APC2: variants seen among roughly 807,000 people sequenced by gnomAD.
APC2 encodes the protein adenomatous polyposis coli protein 2.
APC2 carries 41 observed loss-of-function variants against 72.5 expected under a neutral mutation model. That is an observed-to-expected ratio of 0.57 (90% confidence interval 0.44 to 0.73). APC2 has a LOEUF of 0.73. Ranked by LOEUF, APC2 falls within the 30% of genes least tolerant of loss-of-function variation. The pLI is 0.00. For missense variants in APC2, 3,729 were observed against 3,403.4 expected (o/e 1.10, Z -2.38); for synonymous variants, 1,898 against 1,612.0 (o/e 1.18, Z -4.25).
At position 1,467,921 on chromosome 19, in the gene APC2, G is replaced by C; in HGVS notation, c.4620G>C (p.Glu1540Asp). ...TSAIPRAFTR[E>D]RPQGRKEAPA... is the part of the protein sequence containing the mutation. Reference sequence around the variant, plus strand: ...CCATCCCTCGCGCTTTTACGCGGGAGCGTCCGCAGGGCCGGAAGGAGGCCC... The same window carrying C: ...CCATCCCTCGCGCTTTTACGCGGGACCGTCCGCAGGGCCGGAAGGAGGCCC... The change falls in exon 15 of 15, where the codon GAG (glutamate) becomes GAC (aspartate). Residue 1540 changes from glutamate (E) to aspartate (D), a missense_variant. By Grantham distance (45) the Glu-to-Asp change is conservative. Transcript: ENST00000590469. 6.3e-7 allele frequency: 1 copy of C among 1,584,822 alleles called. No homozygotes were observed. Among genetic ancestry groups the C allele is most frequent in the Non-Finnish European group, 8.5e-7 (1 of 1,173,826 alleles).
chr19:1,457,966 C>A lies in APC2; in HGVS notation c.1209C>A (p.Ala403=), dbSNP rs1287245358. 1 of 1,553,452 alleles carries A rather than the reference C, an allele frequency of 6.4e-7. No individual in the cohort carries two copies. The highest frequency in any genetic ancestry group is 2.0e-5 in the Admixed American group (1 of 51,144). The change falls in exon 10 of 15, where the codon GCC becomes GCA. Residue 403 remains alanine (A), a splice_region_variant and synonymous_variant. Coordinates refer to ENST00000590469, the MANE Select transcript of APC2 (RefSeq NM_005883.3). The part of the protein sequence containing the change: ...GGPEGGGAGS[A]PIPIEPQICQ... ...CTGATCTGGTCCCTGTGCCCACAGC[C>A]CCGATCCCCATCGAGCCGCAGATCT...
chr19:1,464,394 C>T (rs2083972457), intron 14 of APC2, among the ~76,000 whole-genome samples: 1 of 150,502 alleles, frequency 6.6e-6, no homozygotes, highest in South Asian at 2.1e-4. Flanking sequence ...TATGAAAACA[C>T]AAAATATTAT....
In APC2 at chr19:1,457,895, C is replaced by CCGGGGGGGGGGGGGGGGGGG. The variant is rs374378343; in HGVS notation, c.1208-70_1208-69insCGGGGGGGGGGGGGGGGGGG. ...CTTCAGGCCTGGGGCGGGCGGGTTG[C>CCGGGGGGGGGGGGGGGGGGG]GGGACCTTCGGGAGTCACCTGGGAC... On this transcript the variant is annotated intron_variant, in intron 9 of 14. Transcript: ENST00000590469. The CCGGGGGGGGGGGGGGGGGGG allele has an allele frequency of 3.5e-5, 44 of 1,251,572 alleles. 2 individuals carry two copies. In the African/African-American group the frequency reaches 8.6e-4, roughly 24 times the overall value. 77.5% of individuals were successfully genotyped at this position (1,251,572 alleles called of 1,614,324 possible).
Position 1,469,671 on chromosome 19 carries a change from G to A in APC2, c.6370G>A (p.Ala2124Thr), listed in dbSNP as rs1283285436. The A allele has an allele frequency of 1.3e-5, 17 of 1,268,298 alleles. No homozygotes were observed. Among genetic ancestry groups the A allele is most frequent in the Non-Finnish European group, 1.7e-5 (17 of 1,012,776 alleles). The allele number at this position is 1,268,298 out of a possible 1,614,324, so 78.6% of individuals were successfully genotyped here. ...AVPAAPASAD[A>T]ARRSSDGEPR... ...CCCCGCGGCCCCTGCCTCAGCCGAC[G>A]CCGCGCGCCGCAGCAGCGACGGGGA... is the stretch of plus-strand genomic sequence containing the variant. Residue 2124 changes from alanine (A) to threonine (T), a missense_variant, in exon 15 of 15, where the codon GCC becomes ACC. By Grantham distance (58) the Ala-to-Thr change is moderately conservative. Coordinates refer to ENST00000590469, the MANE Select transcript of APC2 (RefSeq NM_005883.3).
chr19:1,453,571 C>T lies in APC2; in HGVS notation c.373C>T (p.Arg125Trp), dbSNP rs761738313. 8.1e-6 allele frequency: 13 copies of T among 1,609,982 alleles called. No homozygotes were observed. Among genetic ancestry groups the T allele is most frequent in the Admixed American group, 5.0e-5 (3 of 59,658 alleles). Residue 125 changes from arginine to tryptophan, a missense_variant, in exon 4 of 15, where the codon CGG becomes TGG. Arg to Trp is a moderately radical substitution (Grantham distance 101, BLOSUM62 -3). Transcript: ENST00000590469. ...PSKDSFGELS[R>W]ATIRLLEELD... Reference sequence around the variant, plus strand: ...CAAGGACAGCTTTGGGGAGCTGAGCCGGGCCACCATCCGGCTGCTGGAGGA... The same window carrying T: ...CAAGGACAGCTTTGGGGAGCTGAGCTGGGCCACCATCCGGCTGCTGGAGGA...
chr19:1,457,968 C>G lies in APC2; in HGVS notation c.1211C>G (p.Pro404Arg). ...GATCTGGTCCCTGTGCCCACAGCCC[C>G]GATCCCCATCGAGCCGCAGATCTGC... ...GPEGGGAGSA[P>R]IPIEPQICQA... The change falls in exon 10 of 15, where the codon CCG becomes CGG. Residue 404 changes from proline to arginine, a missense_variant. Coordinates refer to ENST00000590469, the MANE Select transcript of APC2 (RefSeq NM_005883.3). 3.2e-6 allele frequency: 5 copies of G among 1,554,462 alleles called. No individual in the cohort carries two copies. Among genetic ancestry groups the G allele is most frequent in the Middle Eastern group, 1.8e-4 (1 of 5,660 alleles).
upstream of APC2, among the ~76,000 whole-genome samples, chr19:1,447,434 A>C (rs1275230411): frequency 7.2e-5 from 11 of 151,972 alleles, no homozygotes; most frequent in Admixed American, 7.2e-4. Flanking sequence ...ATTTCATGGA[A>C]CTTCCCCTTT....
Position 1,457,208 on chromosome 19 carries a change from G to A in APC2, c.1172G>A (p.Arg391Gln), listed in dbSNP as rs372652826. ...ACCTGCTGGGACTGGCTGCAGGCCC[G>A]AGACGGCGGGCCCGAGGGAGGTGGC... Reference protein sequence around the residue: ...CETCWDWLQARDGGPEGGGAG... With the variant: ...CETCWDWLQAQDGGPEGGGAG... The change falls in exon 9 of 15, where the codon CGA becomes CAA. Residue 391 changes from arginine (R) to glutamine (Q), a missense_variant. By Grantham distance (43) the Arg-to-Gln change is conservative. Transcript: ENST00000590469. 4.3e-4 allele frequency: 660 copies of A among 1,549,468 alleles called. 8 individuals carry two copies. The South Asian group carries it at 7.3e-3, about 17-fold the overall frequency.
chr19:1,467,638 G>C lies in APC2; in HGVS notation c.4337G>C (p.Gly1446Ala), dbSNP rs767847832. 331 of 1,484,410 alleles carry C rather than the reference G, an allele frequency of 2.2e-4. No homozygotes were observed. Among genetic ancestry groups the C allele is most frequent in the Non-Finnish European group, 2.9e-4 (323 of 1,125,068 alleles). 92.0% of individuals were successfully genotyped at this position (1,484,410 alleles called of 1,614,324 possible). The stretch of plus-strand genomic sequence containing the variant: ...GCCATGGGGCACCGGCACAAGGCGG[G>C]AGGCGCCGGCCGCAGCGCGGAGCAG... ...RQAMGHRHKA[G>A]GAGRSAEQSR... Residue 1446 changes from glycine (G) to alanine (A), a missense_variant, in exon 15 of 15, where the codon GGA becomes GCA. Gly to Ala is a moderately conservative substitution (Grantham distance 60). Coordinates refer to ENST00000590469, the MANE Select transcript of APC2 (RefSeq NM_005883.3).
rs2084121850 is a variant in APC2 at position 1,470,815 on chromosome 19, A to C, written c.*602A>C. 1 of 150,736 alleles carries C rather than the reference A, an allele frequency of 6.6e-6. No individual in the cohort carries two copies. Among genetic ancestry groups the C allele is most frequent in the Admixed American group, 6.6e-5 (1 of 15,198 alleles). The allele number at this position is 150,736 out of a possible 1,614,324, so 9.3% of individuals were successfully genotyped here. ...GGTGGGGGTGTGGCCGAGCCCCGGCAGGAAGCCCCGCCCAGACGGTGTTCA... is the reference window on the plus strand; with the variant it reads ...GGTGGGGGTGTGGCCGAGCCCCGGCCGGAAGCCCCGCCCAGACGGTGTTCA... On this transcript the variant is annotated 3_prime_UTR_variant, in exon 15 of 15. Coordinates refer to ENST00000590469, the MANE Select transcript of APC2 (RefSeq NM_005883.3).
chr19:1,467,651 CAGCGCGG>C lies in APC2; in HGVS notation c.4354_4360del (p.Ala1452SerfsTer126). 1 of 1,476,876 alleles carries C rather than the reference CAGCGCGG, an allele frequency of 6.8e-7. No individual in the cohort carries two copies. Among genetic ancestry groups the C allele is most frequent in the Non-Finnish European group, 8.9e-7 (1 of 1,121,382 alleles). The allele number at this position is 1,476,876 out of a possible 1,614,324, so 91.5% of individuals were successfully genotyped here. ...GGCACAAGGCGGGAGGCGCCGGCCG[CAGCGCGG>C]AGCAGTCTCGGGGCGCGGGCAAGAA... On this transcript the variant is annotated frameshift_variant, in exon 15 of 15. Coordinates refer to ENST00000590469, the MANE Select transcript of APC2 (RefSeq NM_005883.3). LOFTEE classifies it low-confidence loss of function (END_TRUNC).
Position 1,452,893 on chromosome 19 carries a change from G to T in APC2, c.-18-91G>T, listed in dbSNP as rs556656540. 1.7e-5 allele frequency: 25 copies of T among 1,451,122 alleles called. No individual in the cohort carries two copies. The African/African-American group carries it at 3.4e-4, about 20-fold the overall frequency. The allele number at this position is 1,451,122 out of a possible 1,614,324, so 89.9% of individuals were successfully genotyped here. On this transcript the variant is annotated intron_variant, in intron 1 of 14. Coordinates refer to ENST00000590469, the MANE Select transcript of APC2 (RefSeq NM_005883.3). The surrounding 1 kb of genome is among the most constrained non-coding windows in gnomAD (Gnocchi z 5.1). ...CCCCAACCCAGGATCAGGCAGGACG[G>T]CTGGGGCTTAGGTCAGGGGCCGTCT...
chr19:1,457,958 C>T lies in APC2; in HGVS notation c.1208-7C>T. 6.5e-7 allele frequency: 1 copy of T among 1,548,028 alleles called. No homozygotes were observed. Among genetic ancestry groups the T allele is most frequent in the Non-Finnish European group, 8.7e-7 (1 of 1,147,752 alleles). The stretch of plus-strand genomic sequence containing the variant: ...TGGGGGCTCTGATCTGGTCCCTGTG[C>T]CCACAGCCCCGATCCCCATCGAGCC... On this transcript the variant is annotated splice_polypyrimidine_tract_variant and splice_region_variant and intron_variant, in intron 9 of 14. Coordinates refer to ENST00000590469, the MANE Select transcript of APC2 (RefSeq NM_005883.3).
In APC2 at chr19:1,456,082, G is replaced by A. The variant is rs746278813; in HGVS notation, c.646G>A (p.Ala216Thr). The A allele has an allele frequency of 1.9e-6, 3 of 1,575,042 alleles. No homozygotes were observed. Among genetic ancestry groups the A allele is most frequent in the South Asian group, 1.2e-5 (1 of 86,426 alleles). Residue 216 changes from alanine (A) to threonine (T), a missense_variant, in exon 7 of 15, where the codon GCC becomes ACC. Physicochemically the swap from Ala to Thr is moderately conservative, Grantham distance 58. Transcript: ENST00000590469. ...DEMVQRAQIR[A>T]SRLEQIDKEL... is the part of the protein sequence containing the mutation. The stretch of plus-strand genomic sequence containing the variant: ...CTCGTGTGGTCCTGAGCAGATCCGC[G>A]CCTCGCGCCTGGAGCAGATTGACAA...
chr19:1,457,496 T>C (rs2656874), intron 9 of APC2: 19,032 of 566,434 alleles, frequency 0.034, 2,520 homozygotes, highest in African/African-American at 0.31. Flanking sequence ...CTCTGGAAAG[T>C]TGGGTGCAGA....
Position 1,467,996 on chromosome 19 carries a change from G to T in APC2, c.4695G>T (p.Gln1565His). 2 of 1,584,954 alleles carry T rather than the reference G, an allele frequency of 1.3e-6. No individual in the cohort carries two copies. Among genetic ancestry groups the T allele is most frequent in the Non-Finnish European group, 1.7e-6 (2 of 1,174,474 alleles). Residue 1565 changes from glutamine (Q) to histidine (H), a missense_variant, in exon 15 of 15, where the codon CAG (glutamine) becomes CAT (histidine). Gln to His is a conservative substitution (Grantham distance 24). Transcript: ENST00000590469. ...APAAPPPART[Q>H]PSLIADETPP... Reference sequence around the variant, plus strand: ...CTGCCCCGCCGCCCGCCCGGACCCAGCCCAGCCTCATTGCTGACGAGACCC... The same window carrying T: ...CTGCCCCGCCGCCCGCCCGGACCCATCCCAGCCTCATTGCTGACGAGACCC...
chr19:1,452,280 G>C lies in APC2; in HGVS notation c.-18-704G>C, dbSNP rs1444809587. The stretch of plus-strand genomic sequence containing the variant: ...GGCAGGGGCTGCCGGGGCCAGCAGG[G>C]ACCAGCTGAAGGCTGCGCAGGGGGT... On this transcript the variant is annotated intron_variant, in intron 1 of 14. Transcript: ENST00000590469. The surrounding 1 kb of genome is among the most constrained non-coding windows in gnomAD (Gnocchi z 5.1). 6.5e-6 allele frequency: 1 copy of C among 153,880 alleles called. No homozygotes were observed. The allele number at this position is 153,880 out of a possible 1,614,324, so 9.5% of individuals were successfully genotyped here.
rs944625934 is a variant in APC2, at chr19:1,453,241, C to T, written c.142-6C>T. On this transcript the variant is annotated splice_region_variant and splice_polypyrimidine_tract_variant and intron_variant, in intron 2 of 14. Transcript: ENST00000590469. Reference sequence around the variant, plus strand: ...TGGCTTCCCGCCCTCTTTCCCGCCCCTGCAGGAGGTCCTGAAGCACCTACA... The same window carrying T: ...TGGCTTCCCGCCCTCTTTCCCGCCCTTGCAGGAGGTCCTGAAGCACCTACA... 24 of 1,560,310 alleles carry T rather than the reference C, an allele frequency of 1.5e-5. No homozygotes were observed. Among genetic ancestry groups the T allele is most frequent in the Non-Finnish European group, 1.7e-5 (20 of 1,152,462 alleles).
intron 12 of APC2, 48 bp downstream of exon 12, chr19:1,460,905 C>T: frequency 1.9e-6 from 3 of 1,605,610 alleles, no homozygotes; most frequent in Non-Finnish European, 2.6e-6. Flanking sequence ...CCCTGATAGG[C>T]AGAGGCCCCT....
Sources: gnomAD v4.1 joint callset for allele counts (sites outside exome capture counted in the v4.1 genomes callset) on GRCh38, gnomAD v4.1.1 for gene constraint, Gnocchi (gnomAD v3.1) non-coding constraint, MANE v1.5 for transcripts, NCBI Gene and HGNC (gene_info 2026-07-23, HGNC 2026-07-21) for gene names.